The following PARD3B variants were observed in gnomAD, a reference collection of about 807,000 sequenced individuals.
The protein encoded by PARD3B is partitioning defective 3 homolog B.
In PARD3B, 103 loss-of-function variants were observed where a neutral mutation model predicts 130.2. The observed-to-expected ratio is 0.79, with a 90% CI of 0.67 to 0.93. The LOEUF (loss-of-function observed/expected upper bound fraction) is 0.93, where lower values mean the gene tolerates loss of function less well. Among genes scored for constraint, PARD3B ranks in the 40% least tolerant of loss-of-function variants. PARD3B has a pLI of 0.00. For synonymous variants in PARD3B, 583 were observed against 553.2 expected, an observed-to-expected ratio of 1.05 and a Z score of -0.76; for missense variants, 1,609 against 1,499.2, an observed-to-expected ratio of 1.07 and a Z score of -1.21.
chr2:205,113,394 GTGTGT>G (rs567030444), intron 5 of PARD3B, 92 bp from the exon 6 acceptor site: 9,083 of 573,608 alleles, frequency 0.016, 20 homozygotes, highest in South Asian at 0.036. Context: ...CTGAGCAGGG[GTGTGT>G]GTGTGTGTGT....
chr2:204,784,060 G>C (rs924187512), intron 2 of PARD3B, among the ~76,000 whole-genome samples: 6 of 152,108 alleles, frequency 3.9e-5, no homozygotes, highest in African/African-American at 1.4e-4. Flanking sequence ...CGACCTAGTT[G>C]GGATGTTGTG....
intron 3 of PARD3B, among the ~76,000 whole-genome samples, chr2:204,984,526 CATTAAT>C (rs1415141713): frequency 6.6e-5 from 10 of 152,126 alleles, no homozygotes; most frequent in African/African-American, 2.2e-4. Context: ...ATATGAATAA[CATTAAT>C]ATTAAAATAA....
intron 4 of PARD3B, among the ~76,000 whole-genome samples, chr2:205,067,336 A>AT (rs1203834879): frequency 1.3e-5 from 2 of 151,608 alleles, no homozygotes; most frequent in Admixed American, 1.3e-4. Flanking sequence ...AATTAAAAAA[A>AT]TTTTTTTGTA....
rs1224544715 is a variant in PARD3B at position 205,321,681 on chromosome 2, A to G, written c.2630+19980A>G. Among the ~76,000 whole-genome samples, 2 of 152,244 alleles carry G rather than the reference A, an allele frequency of 1.3e-5. No individual in the cohort carries two copies. Among genetic ancestry groups the G allele is most frequent in the African/African-American group, 4.8e-5 (2 of 41,468 alleles). ...GAGTTGGCCTCAAGTAAACCTCAAA[A>G]TAGCAAAATCAGAAATTACAAACAA... On this transcript the variant is annotated intron_variant, in intron 18 of 22. Transcript: ENST00000406610. This position sits in a 1 kb window ranked among gnomAD's most constrained non-coding sequence, Gnocchi z 4.2.
intron 18 of PARD3B, among the ~76,000 whole-genome samples, chr2:205,357,820 C>A (rs2044250457): frequency 6.6e-6 from 1 of 152,102 alleles, no homozygotes; most frequent in Non-Finnish European, 1.5e-5. Flanking sequence ...AGAAAGTACT[C>A]AATAACATTA....
Position 205,405,082 on chromosome 2 carries a change from AT to A in PARD3B, c.2741+3960del, listed in dbSNP as rs1410445305. Among the ~76,000 whole-genome samples, 2 of 152,130 alleles carry A rather than the reference AT, an allele frequency of 1.3e-5. No individual in the cohort carries two copies. Among genetic ancestry groups the A allele is most frequent in the Non-Finnish European group, 2.9e-5 (2 of 68,034 alleles). On this transcript the variant is annotated intron_variant, in intron 19 of 22. Transcript: ENST00000406610. This position sits in a 1 kb window ranked among gnomAD's most constrained non-coding sequence, Gnocchi z 4.1. The stretch of plus-strand genomic sequence containing the variant: ...TGATCCGAAACCATTTTGCTGCTAT[AT>A]ATGGATAGTTTATCTATAGCTACAT...
chr2:205,475,340 C>A (rs375763597), intron 20 of PARD3B, among the ~76,000 whole-genome samples: 5 of 152,226 alleles, frequency 3.3e-5, no homozygotes, highest in East Asian at 3.9e-4. Context: ...AGTGTTTAAT[C>A]TGAGAATTTT....
chr2:204,727,235 G>T (rs748117245), intron 2 of PARD3B, among the ~76,000 whole-genome samples: 2 of 152,100 alleles, frequency 1.3e-5, no homozygotes, highest in East Asian at 3.8e-4. Context: ...TTGTATATTT[G>T]TGTACACATG....
At chr2:205,086,231 C>T (rs1342223165) in intron 4 of PARD3B, among the ~76,000 whole-genome samples, 4 of 152,250 alleles carry the variant, frequency 2.6e-5, no homozygotes, top group South Asian at 4.1e-4. Context: ...TGGTTTTTCC[C>T]CCAGGTGACA....
At chr2:204,925,326 T>TAAA (rs1687519703) in intron 2 of PARD3B, among the ~76,000 whole-genome samples, 1 of 152,122 alleles carries the variant, frequency 6.6e-6, no homozygotes, top group African/African-American at 2.4e-5. Context: ...CAATTTTTAT[T>TAAA]GTTTTACTGA....
chr2:205,614,177 G>A (rs748228562), intron 22 of PARD3B, among the ~76,000 whole-genome samples: 4 of 152,110 alleles, frequency 2.6e-5, no homozygotes, highest in Non-Finnish European at 5.9e-5. Flanking sequence ...TCTGCACATT[G>A]TTTAGAGGCA....
chr2:205,485,455 T>C (rs2049401522), intron 20 of PARD3B, among the ~76,000 whole-genome samples: 2 of 152,202 alleles, frequency 1.3e-5, no homozygotes, highest in African/African-American at 4.8e-5. Context: ...TTATCAACCA[T>C]TTAGCCTGCA....
chr2:204,569,569 C>T (rs2031871825), intron 1 of PARD3B, among the ~76,000 whole-genome samples: 1 of 152,162 alleles, frequency 6.6e-6, no homozygotes, highest in Non-Finnish European at 1.5e-5. Context: ...TCCATTGGTG[C>T]TGCCTAGCAT....
In PARD3B at chr2:204,640,729, G is replaced by A. The variant is rs565472768; in HGVS notation, c.121-45452G>A. ...GCCCAGGTCCCTGACTGATAGACCA[G>A]CTCTCTCATTTAGAGAAATGTGAGT... On this transcript the variant is annotated intron_variant, in intron 1 of 22. Coordinates refer to ENST00000406610, the MANE Select transcript of PARD3B (RefSeq NM_001302769.2). Among the ~76,000 whole-genome samples the A allele has an allele frequency of 7.2e-5, 11 of 152,040 alleles. No homozygotes were observed. The East Asian group carries it at 1.9e-3, about 27-fold the overall frequency.
At chr2:204,761,388 A>G (rs2040890770) in intron 2 of PARD3B, among the ~76,000 whole-genome samples, 1 of 152,188 alleles carries the variant, frequency 6.6e-6, no homozygotes, top group Non-Finnish European at 1.5e-5. Context: ...TCACCAAGAT[A>G]GTCTCCTAAG....
At chr2:205,165,738 TAAA>T (rs947517729) in intron 11 of PARD3B, among the ~76,000 whole-genome samples, 2 of 59,746 alleles carry the variant, frequency 3.3e-5, no homozygotes, top group Admixed American at 1.5e-4. Context: ...AATAAATAAA[TAAA>T]TAAATAAATA....
At chr2:204,569,542 T>C (rs2031869190) in intron 1 of PARD3B, among the ~76,000 whole-genome samples, 2 of 152,200 alleles carry the variant, frequency 1.3e-5, no homozygotes, top group Non-Finnish European at 2.9e-5. Context: ...CCTCCTGCAG[T>C]CATGGGCTAG....
At position 204,958,366 on chromosome 2, in the gene PARD3B, G is replaced by A. The variant is rs118071014; in HGVS notation, c.223-6786G>A. Among the ~76,000 whole-genome samples, 91 of 152,296 alleles carry A rather than the reference G, an allele frequency of 6.0e-4. 1 individual carries two copies. In the East Asian group the frequency reaches 0.017, roughly 29 times the overall value. ...TAGAAGTTGAAGGCATTGGTATATT[G>A]CTTCAAGTTATGGTTGGCAAAGACC... On this transcript the variant is annotated intron_variant, in intron 2 of 22. Transcript: ENST00000406610.
At chr2:205,025,218 C>T (rs927321421) in intron 3 of PARD3B, among the ~76,000 whole-genome samples, 1 of 152,142 alleles carries the variant, frequency 6.6e-6, no homozygotes, top group African/African-American at 2.4e-5. Flanking sequence ...AAACTGCTCA[C>T]GGCTATTAGT....
Sources: allele counts gnomAD v4.1 joint callset (sites outside exome capture counted in the v4.1 genomes callset), GRCh38; gene constraint gnomAD v4.1.1; non-coding constraint Gnocchi (gnomAD v3.1); transcripts MANE v1.5; gene names NCBI Gene and HGNC (gene_info 2026-07-23, HGNC 2026-07-21).